The following MMP16 variants were observed in gnomAD, a reference collection of about 807,000 sequenced individuals.
MMP16 encodes the protein matrix metallopeptidase 16.
Under a neutral mutation model 67.8 loss-of-function variants are expected in MMP16, and 12 were observed. The observed-to-expected ratio is 0.18, with a 90% CI of 0.11 to 0.29. The LOEUF (loss-of-function observed/expected upper bound fraction) is 0.29. Among genes scored for constraint, MMP16 ranks in the 10% least tolerant of loss-of-function variants. The pLI is 1.00. For missense variants in MMP16, 475 were observed against 765.7 expected (o/e 0.62, Z 4.48); for synonymous variants, 249 against 255.9 (o/e 0.97, Z 0.26).
At chr8:88,130,759 CGTGTGTGTGTGT>C (rs112295025) in intron 4 of MMP16, among the ~76,000 whole-genome samples, 5 of 146,632 alleles carry the variant, frequency 3.4e-5, no homozygotes, top group African/African-American at 7.5e-5. Flanking sequence ...TTGTGAAATA[CGTGTGTGTGTGT>C]GTGTGTGTGT....
At chr8:88,171,249 A>G (rs1808797934) in intron 3 of MMP16, among the ~76,000 whole-genome samples, 1 of 152,220 alleles carries the variant, frequency 6.6e-6, no homozygotes, top group South Asian at 2.1e-4. Context: ...TATGATTACC[A>G]TTAGTAAATA....
intron 4 of MMP16, among the ~76,000 whole-genome samples, chr8:88,165,178 T>TAAAAAAA (rs11325157): frequency 2.8e-4 from 27 of 95,146 alleles, no homozygotes; most frequent in Middle Eastern, 6.4e-3. Flanking sequence ...ACCCCATCTC[T>TAAAAAAA]AAAAAAAAAA....
chr8:88,202,970 C>T (rs1458109510), intron 1 of MMP16, among the ~76,000 whole-genome samples: 3 of 152,070 alleles, frequency 2.0e-5, no homozygotes, highest in Non-Finnish European at 2.9e-5. Flanking sequence ...AGACTCAACT[C>T]GCCTTTATTT....
chr8:88,186,297 CATA>C, intron 3 of MMP16, 176 bp downstream of exon 3: 1 of 650,012 alleles, frequency 1.5e-6, no homozygotes, highest in Non-Finnish European at 2.5e-6. Flanking sequence ...AGAGTGTCTA[CATA>C]GGGTGTCTAA....
intron 1 of MMP16, among the ~76,000 whole-genome samples, chr8:88,290,263 C>T (rs940604368): frequency 1.3e-5 from 2 of 151,920 alleles, no homozygotes; most frequent in Non-Finnish European, 2.9e-5. Context: ...TAAAAATTGA[C>T]CTTATTGGGC....
chr8:88,172,672 T>C (rs1353407952), intron 3 of MMP16, among the ~76,000 whole-genome samples: 1 of 152,186 alleles, frequency 6.6e-6, no homozygotes, highest in Non-Finnish European at 1.5e-5. Flanking sequence ...TGGCCCTTTC[T>C]TTTTGTGAAA....
intron 1 of MMP16, among the ~76,000 whole-genome samples, chr8:88,294,027 G>A (rs1252006599): frequency 6.6e-6 from 1 of 151,960 alleles, no homozygotes; most frequent in Non-Finnish European, 1.5e-5. Context: ...CACTCAATCA[G>A]AATAAATACA....
chr8:88,260,254 G>T (rs1317770302), intron 1 of MMP16, among the ~76,000 whole-genome samples: 1 of 151,946 alleles, frequency 6.6e-6, no homozygotes, highest in Non-Finnish European at 1.5e-5. Context: ...CTATGAAACA[G>T]TTCCTTCACA....
intron 4 of MMP16, among the ~76,000 whole-genome samples, chr8:88,128,301 C>G (rs1807970122): frequency 6.6e-6 from 1 of 151,768 alleles, no homozygotes. Flanking sequence ...ATTGAAAAAA[C>G]TTCTGATCCT....
chr8:88,252,269 C>T (rs1410758121), intron 1 of MMP16, among the ~76,000 whole-genome samples: 2 of 152,114 alleles, frequency 1.3e-5, no homozygotes, highest in African/African-American at 2.4e-5. Flanking sequence ...CTTTATGACC[C>T]TCTGATGGCT....
chr8:88,247,958 C>A (rs1032034299), intron 1 of MMP16, among the ~76,000 whole-genome samples: 3 of 151,992 alleles, frequency 2.0e-5, no homozygotes, highest in Non-Finnish European at 4.4e-5. Flanking sequence ...AAAGCTTGGG[C>A]CCAATCCCAG....
At chr8:88,286,255 A>C (rs1048359414) in intron 1 of MMP16, among the ~76,000 whole-genome samples, 5 of 152,052 alleles carry the variant, frequency 3.3e-5, no homozygotes, top group Admixed American at 3.3e-4. Context: ...CAGTGTAAGA[A>C]TCTCAGAAGA....
At chr8:88,181,126 A>C (rs2129738197) in intron 3 of MMP16, among the ~76,000 whole-genome samples, 1 of 152,248 alleles carries the variant, frequency 6.6e-6, no homozygotes, top group East Asian at 1.9e-4. Flanking sequence ...AGATCAGAAA[A>C]GCCAATGAGT....
intron 6 of MMP16, among the ~76,000 whole-genome samples, chr8:88,098,953 C>G (rs1809083032): frequency 6.6e-6 from 1 of 151,424 alleles, no homozygotes; most frequent in African/African-American, 2.4e-5. Flanking sequence ...GAGTTATTTG[C>G]CTAAACTGCC....
At chr8:88,210,260 A>G (rs1809492948) in intron 1 of MMP16, among the ~76,000 whole-genome samples, 1 of 152,198 alleles carries the variant, frequency 6.6e-6, no homozygotes, top group Non-Finnish European at 1.5e-5. Flanking sequence ...TACAGCACTC[A>G]GTTTATGTCT....
At chr8:88,286,313 C>T (rs997888369) in intron 1 of MMP16, among the ~76,000 whole-genome samples, 2 of 152,138 alleles carry the variant, frequency 1.3e-5, no homozygotes, top group African/African-American at 4.8e-5. Context: ...TTTTCCTTTC[C>T]TAAATAATAT....
intron 3 of MMP16, among the ~76,000 whole-genome samples, chr8:88,176,837 C>T (rs912274798): frequency 6.6e-6 from 1 of 152,074 alleles, no homozygotes; most frequent in East Asian, 1.9e-4. Context: ...TAAAGTAAGT[C>T]TTCATATCTT....
At chr8:88,096,049 T>C (rs1809020701) in intron 6 of MMP16, among the ~76,000 whole-genome samples, 1 of 151,894 alleles carries the variant, frequency 6.6e-6, no homozygotes, top group Admixed American at 6.6e-5. Flanking sequence ...GCAATATTCA[T>C]TGTACAGATC....
At chr8:88,068,292 T>G (rs947768058) in intron 7 of MMP16, among the ~76,000 whole-genome samples, 2 of 152,174 alleles carry the variant, frequency 1.3e-5, no homozygotes, top group Admixed American at 6.5e-5. Context: ...GAGTGTTCTT[T>G]ATATATTGTG....
Sources: allele counts gnomAD v4.1 joint callset (sites outside exome capture counted in the v4.1 genomes callset), GRCh38; gene constraint gnomAD v4.1.1; transcripts MANE v1.5; gene names NCBI Gene and HGNC (gene_info 2026-07-23, HGNC 2026-07-21).